SH2D3C: variants seen among roughly 807,000 people sequenced by gnomAD.
SH2D3C encodes SH2 domain-containing protein 3C.
SH2D3C carries 25 observed loss-of-function variants against 75.2 expected under a neutral mutation model. The ratio of observed to expected loss-of-function variants is 0.33; its 90% CI spans 0.24 to 0.46. The LOEUF (loss-of-function observed/expected upper bound fraction) is 0.46, where lower values mean the gene tolerates loss of function less well. Ranked by LOEUF, SH2D3C falls within the 20% of genes least tolerant of loss-of-function variation. The pLI, the probability that SH2D3C is intolerant of heterozygous loss-of-function variation, is 1.00. For missense variants in SH2D3C, 933 were observed against 1,165.3 expected (o/e 0.80, Z 2.90); for synonymous variants, 450 against 473.7 (o/e 0.95, Z 0.65).
intron 2 of SH2D3C, chr9:127,762,296 T>TGAACCACTCCCCCCACCGC (rs2131793345): frequency 1.6e-6 from 2 of 1,281,970 alleles, no homozygotes; most frequent in Admixed American, 5.0e-5. Flanking sequence ...AGGGCCACCG[T>TGAACCACTCCCCCCACCGC]GAACCACTCC....
Position 127,749,055 on chromosome 9 carries a change from T to A in SH2D3C, c.1139+156A>T, listed in dbSNP as rs1283542903. On this transcript the variant is annotated intron_variant, in intron 5 of 11. Coordinates refer to ENST00000314830, the MANE Select transcript of SH2D3C (RefSeq NM_170600.3). This position sits in a 1 kb window ranked among gnomAD's most constrained non-coding sequence, Gnocchi z 5.9. Reference sequence around the variant, plus strand: ...CCCTGCAAGCCCTGTGTTCTGTACATCCACAGAGTATGGCCCAACCTTCCT... The same window carrying A: ...CCCTGCAAGCCCTGTGTTCTGTACAACCACAGAGTATGGCCCAACCTTCCT... 6.6e-6 allele frequency among the ~76,000 whole-genome samples: 1 copy of A among 152,144 alleles called. No homozygotes were observed. The highest frequency in any genetic ancestry group is 1.5e-5 in the Non-Finnish European group (1 of 68,000).
At chr9:127,742,794 G>C in intron 8 of SH2D3C, 55 bp downstream of exon 8, 1 of 1,402,500 alleles carries the variant, frequency 7.1e-7, no homozygotes, top group Non-Finnish European at 9.8e-7. Context: ...CGTCCAGCGG[G>C]GAGTGCGGTA....
intron 3 of SH2D3C, among the ~76,000 whole-genome samples, chr9:127,757,623 TGATGATGATGATGATG>T (rs758565842): frequency 7.8e-4 from 97 of 124,266 alleles, no homozygotes; most frequent in Non-Finnish European, 1.1e-3. Context: ...ATGATGATGA[TGATGATGATGATGATG>T]ATGATGATTA....
In SH2D3C at chr9:127,754,268, G is replaced by A. The variant is rs1251399095; in HGVS notation, c.556-2968C>T. ...CGGGGCAGTCCTTCAGGCGGGCTCC[G>A]CGAGCGTGTGTGAGCCTGGGGGAGC... On this transcript the variant is annotated intron_variant, in intron 3 of 11. Coordinates refer to ENST00000314830, the MANE Select transcript of SH2D3C (RefSeq NM_170600.3). This position sits in a 1 kb window ranked among gnomAD's most constrained non-coding sequence, Gnocchi z 4.4. Among the ~76,000 whole-genome samples, 1 of 152,134 alleles carries A rather than the reference G, an allele frequency of 6.6e-6. No individual in the cohort carries two copies. Among genetic ancestry groups the A allele is most frequent in the Non-Finnish European group, 1.5e-5 (1 of 67,992 alleles).
chr9:127,755,444 G>C (rs1845354022), intron 3 of SH2D3C: 2 of 256,670 alleles, frequency 7.8e-6, no homozygotes, highest in South Asian at 1.7e-4. Context: ...CTGGAGCTGC[G>C]GGCGCGGAGC....
intron 2 of SH2D3C, chr9:127,771,475 C>T (rs896327201): frequency 2.2e-6 from 2 of 912,826 alleles, no homozygotes; most frequent in Non-Finnish European, 3.0e-6. Context: ...GCTCCGCCCC[C>T]TCCCCATCAG....
intron 5 of SH2D3C, among the ~76,000 whole-genome samples, chr9:127,748,393 C>T (rs3824521): frequency 0.039 from 5,979 of 152,248 alleles, 155 homozygotes; most frequent in African/African-American, 0.075. Context: ...CCCAGGGAGA[C>T]AGAGCCTCAA....
Position 127,741,895 on chromosome 9 carries a change from G to C in SH2D3C, c.1981C>G (p.Arg661Gly). ...ATGGTCTTGTGCAGCAGCGCTGCCC[G>C]CTCCTCCGCAGAGCCGGTGCAGCCC... Reference protein sequence around the residue: ...ILGCTGSAEERAALLHKTIQL... With the variant: ...ILGCTGSAEEGAALLHKTIQL... Residue 661 changes from arginine (R) to glycine (G), a missense_variant, in exon 9 of 12, where the codon CGG becomes GGG. Transcript: ENST00000314830. The C allele has an allele frequency of 6.2e-7, 1 of 1,613,074 alleles. No individual in the cohort carries two copies. Among genetic ancestry groups the C allele is most frequent in the African/African-American group, 1.3e-5 (1 of 75,058 alleles).
chr9:127,750,012 G>T (rs998084305), intron 4 of SH2D3C, among the ~76,000 whole-genome samples: 4 of 151,996 alleles, frequency 2.6e-5, no homozygotes, highest in Admixed American at 6.6e-5. Context: ...GTTCCGGTTG[G>T]GCAGAGTGAA....
Position 127,774,057 on chromosome 9 carries a change from T to C in SH2D3C, c.448A>G (p.Arg150Gly), listed in dbSNP as rs1172193041. ...TCTCCTGTGGGGACCTCAGGCTTTC[T>C]GATGGGGTCTACCTCCACTGCTGAA... The part of the protein sequence containing the change: ...NPSAVEVDPI[R>G]KPEVPTGDVE... Residue 150 changes from arginine (R) to glycine (G), a missense_variant, in exon 2 of 12, where the codon AGA (arginine) becomes GGA (glycine). By Grantham distance (125) the Arg-to-Gly change is moderately radical. Transcript: ENST00000314830. The surrounding 1 kb of genome is among the most constrained non-coding windows in gnomAD (Gnocchi z 4.3). 6.2e-7 allele frequency: 1 copy of C among 1,614,098 alleles called. No homozygotes were observed. The highest frequency in any genetic ancestry group is 8.5e-7 in the Non-Finnish European group (1 of 1,180,038).
At chr9:127,741,264 G>T (rs1222503702) in intron 9 of SH2D3C, among the ~76,000 whole-genome samples, 1 of 143,552 alleles carries the variant, frequency 7.0e-6, no homozygotes, top group African/African-American at 2.6e-5. Flanking sequence ...TTTTTGAGAC[G>T]GAGTCTCACT....
Position 127,739,965 on chromosome 9 carries a change from G to T in SH2D3C, c.2201-77C>A. 1 of 1,354,424 alleles carries T rather than the reference G, an allele frequency of 7.4e-7. No homozygotes were observed. The highest frequency in any genetic ancestry group is 9.9e-7 in the Non-Finnish European group (1 of 1,005,284). The allele number at this position is 1,354,424 out of a possible 1,614,324, so 83.9% of individuals were successfully genotyped here. ...CCACTGCAGTCCTGGAAGCTGAGGT[G>T]CAGGAGGGAACGGGCCTGGCTGAGG... On this transcript the variant is annotated intron_variant, in intron 10 of 11. Transcript: ENST00000314830. This position sits in a 1 kb window ranked among gnomAD's most constrained non-coding sequence, Gnocchi z 4.3.
Position 127,741,910 on chromosome 9 carries a change from C to T in SH2D3C, c.1966G>A (p.Gly656Ser). 1 of 1,613,040 alleles carries T rather than the reference C, an allele frequency of 6.2e-7. No homozygotes were observed. The highest frequency in any genetic ancestry group is 1.3e-5 in the African/African-American group (1 of 75,064). ...MLAVDILGCT[G>S]SAEERAALLH... is the part of the protein sequence containing the mutation. ...AGCGCTGCCCGCTCCTCCGCAGAGC[C>T]GGTGCAGCCCAGGATGTCCACGGCC... is the stretch of plus-strand genomic sequence containing the variant. Residue 656 changes from glycine to serine, a missense_variant, in exon 9 of 12, where the codon GGC becomes AGC. By Grantham distance (56) the Gly-to-Ser change is moderately conservative. Transcript: ENST00000314830.
rs959949542 is a variant in SH2D3C at position 127,751,704 on chromosome 9, G to A, written c.556-404C>T. Among the ~76,000 whole-genome samples, 15 of 152,208 alleles carry A rather than the reference G, an allele frequency of 9.9e-5. No individual in the cohort carries two copies. In the South Asian group the frequency reaches 1.0e-3, roughly 11 times the overall value. ...AGCCTGGGCACGACAGAGGGGTCTCGGAAGCCTTCCTGGAGGAGATGGCAG... is the reference window on the plus strand; with the variant it reads ...AGCCTGGGCACGACAGAGGGGTCTCAGAAGCCTTCCTGGAGGAGATGGCAG... On this transcript the variant is annotated intron_variant, in intron 3 of 11. Coordinates refer to ENST00000314830, the MANE Select transcript of SH2D3C (RefSeq NM_170600.3). The surrounding 1 kb of genome is among the most constrained non-coding windows in gnomAD (Gnocchi z 4.1).
At chr9:127,775,947 G>A (rs550838277) in intron 1 of SH2D3C, among the ~76,000 whole-genome samples, 2 of 151,762 alleles carry the variant, frequency 1.3e-5, no homozygotes, top group South Asian at 2.1e-4. Flanking sequence ...TCCTGCCTCA[G>A]CCTCCCGAGT....
rs757470158 is a variant in SH2D3C, at chr9:127,738,763, G to A, written c.2566C>T (p.Arg856Cys). 3.7e-6 allele frequency: 6 copies of A among 1,605,252 alleles called. No individual in the cohort carries two copies. In the Admixed American group the frequency reaches 5.1e-5, roughly 14 times the overall value. The change falls in exon 12 of 12, where the codon CGC becomes TGC. Residue 856 changes from arginine (R) to cysteine (C), a missense_variant. Physicochemically the swap from Arg to Cys is radical, Grantham distance 180. Coordinates refer to ENST00000314830, the MANE Select transcript of SH2D3C (RefSeq NM_170600.3). This position sits in a 1 kb window ranked among gnomAD's most constrained non-coding sequence, Gnocchi z 5.0. ...ALSHKLEPAVRSSEL is the reference protein window; with the variant it reads ...ALSHKLEPAVCSSEL ...CCCTGGGGTCACAGCTCGCTGGAGC[G>A]GACAGCAGGTTCCAGCTTGTGGGAC...
intron 2 of SH2D3C, among the ~76,000 whole-genome samples, chr9:127,762,807 C>T (rs1272115745): frequency 6.6e-6 from 1 of 152,218 alleles, no homozygotes. Flanking sequence ...TTCAGCGGCT[C>T]CCATCTCTAG....
intron 2 of SH2D3C, 107 bp from the exon 3 acceptor site, chr9:127,761,757 C>A (rs1202416387): frequency 2.4e-6 from 2 of 846,882 alleles, no homozygotes; most frequent in Non-Finnish European, 3.7e-6. Context: ...AGGACCCCAG[C>A]AGGATCACCC....
intron 3 of SH2D3C, among the ~76,000 whole-genome samples, chr9:127,753,225 G>A (rs1241405803): frequency 6.6e-6 from 1 of 152,140 alleles, no homozygotes; most frequent in Non-Finnish European, 1.5e-5. Flanking sequence ...GGTTTTCCAG[G>A]CAGTGGCAGG....
Sources: gnomAD v4.1 joint callset for allele counts (sites outside exome capture counted in the v4.1 genomes callset) on GRCh38, gnomAD v4.1.1 for gene constraint, Gnocchi (gnomAD v3.1) non-coding constraint, MANE v1.5 for transcripts, NCBI Gene and HGNC (gene_info 2026-07-23, HGNC 2026-07-21) for gene names.